LINGO1: variants seen among roughly 807,000 people sequenced by gnomAD.
LINGO1 encodes leucine-rich repeat and immunoglobulin-like domain-containing nogo receptor-interacting protein 1.
A neutral mutation model predicts 37.3 loss-of-function variants in LINGO1; 11 were observed. The ratio of observed to expected loss-of-function variants is 0.29; its 90% CI spans 0.19 to 0.49. LINGO1 has a LOEUF of 0.49. Ranked by LOEUF, LINGO1 falls within the 20% of genes least tolerant of loss-of-function variation. The pLI is 0.99. For synonymous variants in LINGO1, 387 were observed against 403.0 expected, an observed-to-expected ratio of 0.96 and a Z score of 0.48; for missense variants, 585 against 878.2, an observed-to-expected ratio of 0.67 and a Z score of 4.22.
intron 3 of LINGO1, among the ~76,000 whole-genome samples, chr15:77,664,360 A>G (rs1197883347): frequency 6.6e-6 from 1 of 152,162 alleles, no homozygotes; most frequent in East Asian, 1.9e-4. Flanking sequence ...CCTTGCCACC[A>G]GGAGCTGGTG....
intron 3 of LINGO1, chr15:77,667,097 T>C (rs991654743): frequency 6.6e-6 from 1 of 151,958 alleles, no homozygotes; most frequent in African/African-American, 2.4e-5. Flanking sequence ...GTAAGGAGGG[T>C]CTGGGGTCTG....
chr15:77,630,369 C>T lies in LINGO1; in HGVS notation c.6+1941G>A, dbSNP rs374658122. On this transcript the variant is annotated intron_variant, in intron 1 of 1. Transcript: ENST00000355300. ...AGCAGCACCACACATGAGCCCTCAC[C>T]GGCACCAGGGATCCCGTCTAGCCTC... 1.6e-4 allele frequency among the ~76,000 whole-genome samples: 25 copies of T among 152,206 alleles called. 1 individual carries two copies. The highest frequency in any genetic ancestry group is 3.2e-4 in the Non-Finnish European group (22 of 68,042).
At chr15:77,759,058 G>A (rs187306093) in intron 1 of LINGO1, among the ~76,000 whole-genome samples, 2 of 152,294 alleles carry the variant, frequency 1.3e-5, no homozygotes, top group Admixed American at 1.3e-4. Context: ...TAAAATCAGG[G>A]CTTTCTCTGA....
intron 1 of LINGO1, among the ~76,000 whole-genome samples, chr15:77,752,457 G>T (rs991262902): frequency 6.6e-6 from 1 of 152,188 alleles, no homozygotes; most frequent in African/African-American, 2.4e-5. Context: ...CAAATCGATG[G>T]GCAGCAAGAG....
chr15:77,673,004 G>A (rs958074529), intron 3 of LINGO1, among the ~76,000 whole-genome samples: 15 of 152,310 alleles, frequency 9.8e-5, no homozygotes, highest in African/African-American at 3.6e-4. Context: ...CAGGAATGGA[G>A]CTTCAGAGCA....
At chr15:77,775,064 G>C (rs2076623785) in intron 1 of LINGO1, among the ~76,000 whole-genome samples, 1 of 152,236 alleles carries the variant, frequency 6.6e-6, no homozygotes, top group Admixed American at 6.5e-5. Flanking sequence ...CAGAGCCACA[G>C]GCCTGATGCT....
At chr15:77,790,983 C>T (rs149322317), upstream of LINGO1, among the ~76,000 whole-genome samples, 249 of 152,304 alleles carry the variant, frequency 1.6e-3, no homozygotes, top group Non-Finnish European at 3.0e-3. Context: ...ACCTGGCTGA[C>T]CATCAAAAGG....
chr15:77,745,166 G>A (rs1271508351), intron 1 of LINGO1, among the ~76,000 whole-genome samples: 1 of 148,062 alleles, frequency 6.8e-6, no homozygotes, highest in Admixed American at 6.8e-5. Flanking sequence ...GGTGGCTCAC[G>A]CCTGTAATCC....
chr15:77,677,319 A>T (rs1420371933), intron 2 of LINGO1: 1 of 152,546 alleles, frequency 6.6e-6, no homozygotes, highest in Non-Finnish European at 1.5e-5. Flanking sequence ...AGCACAGCAC[A>T]TGCTCCTCAG....
At chr15:77,636,847 C>T (rs960464540), upstream of LINGO1, among the ~76,000 whole-genome samples, 1 of 152,046 alleles carries the variant, frequency 6.6e-6, no homozygotes, top group East Asian at 1.9e-4. Context: ...AAGTACTAGG[C>T]TAGAGTGAAG....
At chr15:77,714,858 G>A (rs966809070) in intron 2 of LINGO1, among the ~76,000 whole-genome samples, 9 of 152,234 alleles carry the variant, frequency 5.9e-5, no homozygotes, top group African/African-American at 1.7e-4. Context: ...TCGATGACAT[G>A]ATCATTTCCC....
chr15:77,760,732 G>A (rs1048155963), intron 1 of LINGO1, among the ~76,000 whole-genome samples: 20 of 152,042 alleles, frequency 1.3e-4, no homozygotes, highest in Non-Finnish European at 2.4e-4. Context: ...CTCCCCCTAT[G>A]TCCTGCCTGG....
intron 2 of LINGO1, among the ~76,000 whole-genome samples, chr15:77,710,379 T>C (rs1253712499): frequency 6.6e-6 from 1 of 152,214 alleles, no homozygotes; most frequent in Non-Finnish European, 1.5e-5. Flanking sequence ...CTGGTGGGAC[T>C]TGTCCAGCAG....
chr15:77,670,820 T>C (rs967290053), intron 3 of LINGO1, among the ~76,000 whole-genome samples: 2 of 152,214 alleles, frequency 1.3e-5, no homozygotes, highest in African/African-American at 4.8e-5. Flanking sequence ...GGCAGCTCTG[T>C]GGCTGTTTCC....
intron 3 of LINGO1, among the ~76,000 whole-genome samples, chr15:77,655,435 C>T (rs1183396973): frequency 2.0e-5 from 3 of 152,122 alleles, no homozygotes; most frequent in Non-Finnish European, 4.4e-5. Flanking sequence ...CCTCCCCAAA[C>T]ATAGACACGC....
chr15:77,731,341 A>G (rs1328581926), intron 2 of LINGO1, among the ~76,000 whole-genome samples: 1 of 152,130 alleles, frequency 6.6e-6, no homozygotes, highest in Admixed American at 6.5e-5. Context: ...ACAAATGCAC[A>G]TGCACACACA....
intron 1 of LINGO1, among the ~76,000 whole-genome samples, chr15:77,749,249 G>A: frequency 6.6e-6 from 1 of 151,990 alleles, no homozygotes; most frequent in East Asian, 1.9e-4. Context: ...AGAGGTCTGA[G>A]CCCAGCATCA....
intron 1 of LINGO1, among the ~76,000 whole-genome samples, chr15:77,761,891 A>G (rs2076480919): frequency 1.3e-5 from 2 of 152,130 alleles, no homozygotes; most frequent in African/African-American, 2.4e-5. Flanking sequence ...AGCCTCTTTG[A>G]GCCTCAGTAT....
intron 1 of LINGO1, among the ~76,000 whole-genome samples, chr15:77,617,695 C>T (rs1173711003): frequency 6.6e-6 from 1 of 152,238 alleles, no homozygotes; most frequent in Non-Finnish European, 1.5e-5. Flanking sequence ...GAGGCTGTGG[C>T]TGTCCAAGGT....
Sources: gnomAD v4.1 joint callset for allele counts (sites outside exome capture counted in the v4.1 genomes callset) on GRCh38, gnomAD v4.1.1 for gene constraint, MANE v1.5 for transcripts, NCBI Gene and HGNC (gene_info 2026-07-23, HGNC 2026-07-21) for gene names.